Variants in CEP112 observed in about 807,000 individuals in gnomAD.
The protein encoded by CEP112 is centrosomal protein 112.
CEP112 carries 127 observed loss-of-function variants against 153.0 expected under a neutral mutation model. The ratio of observed to expected loss-of-function variants is 0.83; its 90% CI spans 0.72 to 0.96. The LOEUF (loss-of-function observed/expected upper bound fraction) is 0.96. Ranked by LOEUF, CEP112 falls within the 40% of genes least tolerant of loss-of-function variation. The probability of loss-of-function intolerance (pLI) is 0.00; values close to 1 mark genes in which losing one functional copy is unlikely to be tolerated. For synonymous variants in CEP112, 358 were observed against 374.4 expected, an observed-to-expected ratio of 0.96 and a Z score of 0.51; for missense variants, 1,089 against 1,101.2, an observed-to-expected ratio of 0.99 and a Z score of 0.16.
intron 6 of CEP112, among the ~76,000 whole-genome samples, chr17:66,111,952 T>G (rs986211140): frequency 3.3e-5 from 5 of 152,200 alleles, no homozygotes; most frequent in Non-Finnish European, 1.5e-5. Context: ...GAGAGATGTT[T>G]GCACAAATGA....
At chr17:65,761,102 A>T (rs2052588931) in intron 21 of CEP112, among the ~76,000 whole-genome samples, 1 of 151,810 alleles carries the variant, frequency 6.6e-6, no homozygotes, top group Non-Finnish European at 1.5e-5. Context: ...ATTTTTCATT[A>T]CTTTTATTAG....
chr17:65,671,175 A>C (rs960047651), intron 24 of CEP112, among the ~76,000 whole-genome samples: 1 of 152,120 alleles, frequency 6.6e-6, no homozygotes, highest in African/African-American at 2.4e-5. Flanking sequence ...AGGTGGCAAA[A>C]GGGAAAACAG....
At chr17:65,735,871 C>A (rs2050773390) in intron 23 of CEP112, among the ~76,000 whole-genome samples, 1 of 152,080 alleles carries the variant, frequency 6.6e-6, no homozygotes. Context: ...TCGGAGTCTG[C>A]AGAGAATACC....
chr17:65,707,186 A>C (rs754869926), intron 23 of CEP112, among the ~76,000 whole-genome samples: 2 of 152,174 alleles, frequency 1.3e-5, no homozygotes, highest in Non-Finnish European at 2.9e-5. Flanking sequence ...ATTATGTAGG[A>C]GTTATCATTG....
intron 23 of CEP112, among the ~76,000 whole-genome samples, chr17:65,691,399 G>A (rs2048098721): frequency 6.6e-6 from 1 of 152,168 alleles, no homozygotes; most frequent in Non-Finnish European, 1.5e-5. Context: ...TCCCTAGAAA[G>A]AGAAAAACCA....
At chr17:65,757,659 T>C (rs2052367816) in intron 21 of CEP112, among the ~76,000 whole-genome samples, 1 of 152,182 alleles carries the variant, frequency 6.6e-6, no homozygotes, top group Non-Finnish European at 1.5e-5. Flanking sequence ...AATTAACTGA[T>C]CAACTTTTGT....
At chr17:66,044,356 T>G (rs1010524930) in intron 12 of CEP112, among the ~76,000 whole-genome samples, 13 of 152,108 alleles carry the variant, frequency 8.5e-5, no homozygotes, top group Non-Finnish European at 1.8e-4. Context: ...AATGAAAATG[T>G]ATTTTAGATT....
At chr17:65,862,613 A>G (rs577427672) in intron 20 of CEP112, among the ~76,000 whole-genome samples, 1 of 152,112 alleles carries the variant, frequency 6.6e-6, no homozygotes, top group African/African-American at 2.4e-5. Flanking sequence ...ATATGTTCCA[A>G]TTCTCAACTT....
At chr17:65,704,368 T>C (rs2048801932) in intron 23 of CEP112, among the ~76,000 whole-genome samples, 1 of 151,786 alleles carries the variant, frequency 6.6e-6, no homozygotes, top group Non-Finnish European at 1.5e-5. Context: ...CAAATACACA[T>C]GGGAAGAAAC....
intron 21 of CEP112, among the ~76,000 whole-genome samples, chr17:65,761,184 A>G (rs2145389359): frequency 6.6e-6 from 1 of 152,056 alleles, no homozygotes; most frequent in South Asian, 2.1e-4. Flanking sequence ...ATCTTTTCAA[A>G]GAACCAGCTT....
In CEP112 at chr17:65,788,756, C is replaced by T. The variant is rs2054423098; in HGVS notation, c.2395-38032G>A. Among the ~76,000 whole-genome samples, 3 of 152,012 alleles carry T rather than the reference C, an allele frequency of 2.0e-5. No individual in the cohort carries two copies. In the South Asian group the frequency reaches 6.2e-4, roughly 32 times the overall value. ...TTCCTCCTTTCCCTATTTGTGTCTT[C>T]TCCCTATTTTTCTGACCGGTCTTCT... On this transcript the variant is annotated intron_variant, in intron 21 of 26. Coordinates refer to ENST00000535342, the MANE Select transcript of CEP112 (RefSeq NM_001199165.4).
chr17:66,141,471 T>C (rs970960489), intron 4 of CEP112, among the ~76,000 whole-genome samples: 2 of 152,194 alleles, frequency 1.3e-5, no homozygotes, highest in Admixed American at 6.5e-5. Context: ...CAGCACAGTA[T>C]TGCAGCTATA....
chr17:65,654,913 A>G, intron 24 of CEP112: 1 of 577,664 alleles, frequency 1.7e-6, no homozygotes, highest in Non-Finnish European at 3.4e-6. Context: ...GACTCAGAAG[A>G]GGAACTCGGA....
At chr17:65,865,771 G>C (rs2146442260) in intron 20 of CEP112, among the ~76,000 whole-genome samples, 1 of 152,360 alleles carries the variant, frequency 6.6e-6, no homozygotes, top group South Asian at 2.1e-4. Context: ...GCAGTGTGCA[G>C]AACCCACTCC....
chr17:66,025,310 G>C (rs2145665368), intron 16 of CEP112, among the ~76,000 whole-genome samples: 1 of 152,136 alleles, frequency 6.6e-6, no homozygotes, highest in Middle Eastern at 3.4e-3. Flanking sequence ...CTTCTAGAAA[G>C]CAAGGTAAAT....
chr17:65,891,817 T>C (rs2059477501), intron 20 of CEP112, among the ~76,000 whole-genome samples: 1 of 152,148 alleles, frequency 6.6e-6, no homozygotes, highest in Non-Finnish European at 1.5e-5. Flanking sequence ...ACAAAACTTA[T>C]TTTCCTACAG....
chr17:66,046,947 C>T (rs2066237783), intron 12 of CEP112, among the ~76,000 whole-genome samples: 1 of 152,046 alleles, frequency 6.6e-6, no homozygotes, highest in African/African-American at 2.4e-5. Context: ...CTGCTGGTGT[C>T]TTGCTTTCAT....
At chr17:66,059,294 T>G (rs1196916697) in intron 11 of CEP112, among the ~76,000 whole-genome samples, 1 of 151,966 alleles carries the variant, frequency 6.6e-6, no homozygotes, top group Non-Finnish European at 1.5e-5. Context: ...AAATAAAAAA[T>G]GGACAAGTGG....
chr17:65,661,486 T>C (rs1368021024), intron 24 of CEP112, among the ~76,000 whole-genome samples: 5 of 152,190 alleles, frequency 3.3e-5, no homozygotes, highest in African/African-American at 1.2e-4. Flanking sequence ...ACTTGGTACC[T>C]GAGTCAGGAC....
Sources: allele counts gnomAD v4.1 joint callset (sites outside exome capture counted in the v4.1 genomes callset), GRCh38; gene constraint gnomAD v4.1.1; transcripts MANE v1.5; gene names NCBI Gene and HGNC (gene_info 2026-07-23, HGNC 2026-07-21).